The following GOLGB1 variants were observed in gnomAD, a reference collection of about 807,000 sequenced individuals.
The protein encoded by GOLGB1 is golgin B1, also known as golgin subfamily B member 1.
A neutral mutation model predicts 336.9 loss-of-function variants in GOLGB1; 174 were observed. The ratio of observed to expected loss-of-function variants is 0.52; its 90% CI spans 0.46 to 0.59. GOLGB1 has a LOEUF of 0.59. Among genes scored for constraint, GOLGB1 ranks in the 20% least tolerant of loss-of-function variants. The pLI is 0.00. For missense variants in GOLGB1, 3,331 were observed against 3,645.3 expected (o/e 0.91, Z 2.22); for synonymous variants, 1,208 against 1,289.2 (o/e 0.94, Z 1.35).
chr3:121,698,352 C>T lies in GOLGB1; in HGVS notation c.2171G>A (p.Ser724Asn). ...CTCCTCAATCAACTGGTTTAGGTTG[C>T]TAATTTCCTTAGCTTTCTCATCTAA... ...KNLDEKAKEI[S>N]NLNQLIEEFK... is the part of the protein sequence containing the mutation. Residue 724 changes from serine (S) to asparagine (N), a missense_variant, in exon 13 of 22, where the codon AGC becomes AAC. Ser to Asn is a conservative substitution (Grantham distance 46). Coordinates refer to ENST00000614479, the MANE Select transcript of GOLGB1 (RefSeq NM_001366282.2). 2 of 1,613,744 alleles carry T rather than the reference C, an allele frequency of 1.2e-6. No individual in the cohort carries two copies. The highest frequency in any genetic ancestry group is 1.7e-6 in the Non-Finnish European group (2 of 1,179,782).
chr3:121,739,264 C>T (rs1946693322), intron 1 of GOLGB1, among the ~76,000 whole-genome samples: 3 of 148,024 alleles, frequency 2.0e-5, no homozygotes, highest in Admixed American at 1.3e-4. Context: ...GACCCTGTCA[C>T]AAAAAAGAAA....
chr3:121,712,775 A>C (rs1444024904), intron 10 of GOLGB1, among the ~76,000 whole-genome samples: 1 of 152,244 alleles, frequency 6.6e-6, no homozygotes, highest in Non-Finnish European at 1.5e-5. Flanking sequence ...CATACCCATT[A>C]GAATGGCTAA....
intron 8 of GOLGB1, among the ~76,000 whole-genome samples, chr3:121,717,389 A>G (rs1944866500): frequency 6.6e-6 from 1 of 152,152 alleles, no homozygotes; most frequent in South Asian, 2.1e-4. Context: ...TTATGATGAG[A>G]CTACTTGGAT....
In GOLGB1 at chr3:121,696,143, C is replaced by T; in HGVS notation, c.4380G>A (p.Lys1460=). 6.2e-7 allele frequency: 1 copy of T among 1,614,084 alleles called. No individual in the cohort carries two copies. Among genetic ancestry groups the T allele is most frequent in the Non-Finnish European group, 8.5e-7 (1 of 1,179,998 alleles). The change falls in exon 13 of 22, where the codon AAG becomes AAA. Residue 1460 remains lysine (K), a synonymous_variant. Coordinates refer to ENST00000614479, the MANE Select transcript of GOLGB1 (RefSeq NM_001366282.2). ...MQAKEHDERI[K]QLQVELCEMK... is the part of the protein sequence containing the mutation. ...TTTCACAAAGTTCCACCTGTAGCTG[C>T]TTTATCCTCTCATCATGCTCTTTGG...
chr3:121,704,927 C>T (rs1465362764), intron 10 of GOLGB1, among the ~76,000 whole-genome samples: 3 of 151,892 alleles, frequency 2.0e-5, no homozygotes, highest in Non-Finnish European at 4.4e-5. Flanking sequence ...CAGACCTATA[C>T]TATAATATTA....
chr3:121,696,960 G>A lies in GOLGB1; in HGVS notation c.3563C>T (p.Ala1188Val). ...AAGAATTGCCTTGCGGGAGGTTAAG[G>A]CTTCCTGTAGCTTCTTTTGAAGTTG... ...KEQLQKKLQE[A>V]LTSRKAILKK... The change falls in exon 13 of 22, where the codon GCC (alanine) becomes GTC (valine). Residue 1188 changes from alanine (A) to valine (V), a missense_variant. Coordinates refer to ENST00000614479, the MANE Select transcript of GOLGB1 (RefSeq NM_001366282.2). 1 of 1,613,976 alleles carries A rather than the reference G, an allele frequency of 6.2e-7. No individual in the cohort carries two copies. Among genetic ancestry groups the A allele is most frequent in the Non-Finnish European group, 8.5e-7 (1 of 1,179,952 alleles).
rs1576482454 is a variant in GOLGB1, at chr3:121,740,071, G to C, written c.-2-9098C>G. On this transcript the variant is annotated intron_variant, in intron 1 of 21. Coordinates refer to ENST00000614479, the MANE Select transcript of GOLGB1 (RefSeq NM_001366282.2). The stretch of plus-strand genomic sequence containing the variant: ...CAGTGGTTAGAGAGGGGTTGGGGTG[G>C]GAAGTGACTGTGGTCATAACAAGGC... 2.0e-5 allele frequency among the ~76,000 whole-genome samples: 3 copies of C among 152,300 alleles called. No homozygotes were observed. The East Asian group carries it at 5.8e-4, about 29-fold the overall frequency.
intron 14 of GOLGB1, among the ~76,000 whole-genome samples, chr3:121,684,548 G>C (rs1037051044): frequency 2.6e-5 from 4 of 152,016 alleles, no homozygotes; most frequent in African/African-American, 9.7e-5. Context: ...GGGGTGAGGG[G>C]AAGGGAAGTG....
At chr3:121,672,959 G>A (rs1055649139) in intron 17 of GOLGB1, among the ~76,000 whole-genome samples, 8 of 151,876 alleles carry the variant, frequency 5.3e-5, no homozygotes, top group Non-Finnish European at 1.0e-4. Flanking sequence ...TTTATACCTG[G>A]GTTTCTAATT....
At chr3:121,692,611 G>T in intron 13 of GOLGB1, 30 bp from the exon 14 acceptor site, 1 of 1,331,050 alleles carries the variant, frequency 7.5e-7, no homozygotes, top group Middle Eastern at 1.9e-4. Context: ...ATTAGTTACA[G>T]ATTTCAAGAA....
intron 9 of GOLGB1, among the ~76,000 whole-genome samples, chr3:121,716,031 A>T (rs1208537273): frequency 6.6e-6 from 1 of 151,970 alleles, no homozygotes; most frequent in African/African-American, 2.4e-5. Flanking sequence ...TCTGGCTAAC[A>T]TTCAGTTATT....
At chr3:121,675,910 G>A (rs149106444) in intron 17 of GOLGB1, among the ~76,000 whole-genome samples, 9 of 152,260 alleles carry the variant, frequency 5.9e-5, no homozygotes, top group Admixed American at 3.3e-4. Flanking sequence ...GGCCTGAGAC[G>A]GGAGTTAGTT....
At position 121,677,289 on chromosome 3, in the gene GOLGB1, C is replaced by G. The variant is rs1416952719; in HGVS notation, c.9035G>C (p.Arg3012Thr). Residue 3012 changes from arginine (R) to threonine (T), a missense_variant, in exon 16 of 22, where the codon AGA becomes ACA. Transcript: ENST00000614479. Reference sequence around the variant, plus strand: ...ATCAGCATTGAAATTACTCACCTGTCTTTGGTATTGCACTTTGAGAGGCTG... The same window carrying G: ...ATCAGCATTGAAATTACTCACCTGTGTTTGGTATTGCACTTTGAGAGGCTG... Reference protein sequence around the residue: ...QTQPLKVQYQRQASPETSASP... With the variant: ...QTQPLKVQYQTQASPETSASP... 1 of 1,604,276 alleles carries G rather than the reference C, an allele frequency of 6.2e-7. No individual in the cohort carries two copies. The highest frequency in any genetic ancestry group is 8.5e-7 in the Non-Finnish European group (1 of 1,172,718).
chr3:121,712,564 G>T (rs1406366026), intron 10 of GOLGB1, among the ~76,000 whole-genome samples: 1 of 152,170 alleles, frequency 6.6e-6, no homozygotes, highest in Non-Finnish European at 1.5e-5. Context: ...AAACATATAT[G>T]ATAATAGATT....
At chr3:121,720,195 AAACT>A (rs1358655590) in intron 6 of GOLGB1, among the ~76,000 whole-genome samples, 1 of 152,212 alleles carries the variant, frequency 6.6e-6, no homozygotes, top group East Asian at 1.9e-4. Flanking sequence ...ATGAAAATTC[AAACT>A]AACATATCAT....
rs754671164 is a variant in GOLGB1, at chr3:121,681,861, T to C, written c.8699A>G (p.Lys2900Arg). ...TTGCTGCTGCAGATTCTTCAATTCC[T>C]TCAGCTTTAACCAAAGGGAAAGTAA... ...SLQNDRDRLL[K>R]ELKNLQQQYL... The change falls in exon 15 of 22, where the codon AAG (lysine) becomes AGG (arginine). Residue 2900 changes from lysine to arginine, a missense_variant. Physicochemically the swap from Lys to Arg is conservative, Grantham distance 26. Coordinates refer to ENST00000614479, the MANE Select transcript of GOLGB1 (RefSeq NM_001366282.2). 6.3e-7 allele frequency: 1 copy of C among 1,596,576 alleles called. No individual in the cohort carries two copies. The highest frequency in any genetic ancestry group is 1.7e-5 in the Admixed American group (1 of 59,290).
chr3:121,697,877 T>C lies in GOLGB1; in HGVS notation c.2646A>G (p.Lys882=), dbSNP rs1298893965. 6.2e-7 allele frequency: 1 copy of C among 1,613,948 alleles called. No individual in the cohort carries two copies. Among genetic ancestry groups the C allele is most frequent in the African/African-American group, 1.3e-5 (1 of 74,916 alleles). ...ALSQKELEIT[K]MDQLLLEKKR... ...TTTTCTCTAGTAAGAGCTGATCCAT[T>C]TTTGTTATTTCAAGTTCCTTCTGTG... The change falls in exon 13 of 22, where the codon AAA becomes AAG. Residue 882 remains lysine (K), a synonymous_variant. Coordinates refer to ENST00000614479, the MANE Select transcript of GOLGB1 (RefSeq NM_001366282.2).
At chr3:121,699,915 A>G in intron 11 of GOLGB1, 30 bp from the exon 12 acceptor site, 1 of 1,325,846 alleles carries the variant, frequency 7.5e-7, no homozygotes, top group Non-Finnish European at 1.1e-6. Context: ...TATCTTTAGA[A>G]GATATATGTG....
chr3:121,739,894 C>T (rs571134374), intron 1 of GOLGB1, among the ~76,000 whole-genome samples: 11 of 152,230 alleles, frequency 7.2e-5, no homozygotes, highest in South Asian at 4.1e-4. Context: ...CAACGAACTA[C>T]TGATGGACCC....
Sources: allele counts gnomAD v4.1 joint callset (sites outside exome capture counted in the v4.1 genomes callset), GRCh38; gene constraint gnomAD v4.1.1; transcripts MANE v1.5; gene names NCBI Gene and HGNC (gene_info 2026-07-23, HGNC 2026-07-21).